SLC6A11: variants seen among roughly 807,000 people sequenced by gnomAD.
The protein encoded by SLC6A11 is sodium- and chloride-dependent GABA transporter 3.
A neutral mutation model predicts 74.8 loss-of-function variants in SLC6A11; 25 were observed. That is an observed-to-expected ratio of 0.33 (90% confidence interval 0.24 to 0.47). The LOEUF (loss-of-function observed/expected upper bound fraction) is 0.47. Among genes scored for constraint, SLC6A11 ranks in the 20% least tolerant of loss-of-function variants. SLC6A11 has a pLI of 1.00. For synonymous variants in SLC6A11, 330 were observed against 330.2 expected (o/e 1.00, Z 0.01); for missense variants, 574 against 837.0 (o/e 0.69, Z 3.88).
chr3:10,882,606 G>A (rs1694995497), intron 6 of SLC6A11, among the ~76,000 whole-genome samples: 1 of 152,170 alleles, frequency 6.6e-6, no homozygotes, highest in Middle Eastern at 3.2e-3. Flanking sequence ...ATCGAAGGAA[G>A]GACCAAACAA....
At position 10,831,602 on chromosome 3, in the gene SLC6A11, C is replaced by T. The variant is rs550436596; in HGVS notation, c.623+8210C>T. 3.4e-4 allele frequency among the ~76,000 whole-genome samples: 51 copies of T among 152,068 alleles called. 1 individual carries two copies. In the Middle Eastern group the frequency reaches 0.017, roughly 51 times the overall value. ...TAACAGATTACCCAGGAGTGGGACT[C>T]GGGGGTAAGTGAGGTTATAGAGAGA... On this transcript the variant is annotated intron_variant, in intron 4 of 13. Transcript: ENST00000254488.
intron 8 of SLC6A11, among the ~76,000 whole-genome samples, chr3:10,924,314 G>A (rs1174186467): frequency 6.6e-6 from 1 of 152,116 alleles, no homozygotes; most frequent in Admixed American, 6.6e-5. Context: ...GAAGTTCCTA[G>A]AGAGTGCAAT....
chr3:10,828,143 G>A (rs571145538), intron 4 of SLC6A11, among the ~76,000 whole-genome samples: 1 of 152,276 alleles, frequency 6.6e-6, no homozygotes, highest in East Asian at 1.9e-4. Flanking sequence ...CAATATTGTG[G>A]CATCAGATGG....
intron 5 of SLC6A11, among the ~76,000 whole-genome samples, chr3:10,868,113 G>A (rs1308345276): frequency 6.6e-6 from 1 of 152,176 alleles, no homozygotes; most frequent in Non-Finnish European, 1.5e-5. Flanking sequence ...TTGAAGTTTG[G>A]ATTAGTCTAT....
chr3:10,828,246 C>A (rs1388568524), intron 4 of SLC6A11, among the ~76,000 whole-genome samples: 1 of 152,182 alleles, frequency 6.6e-6, no homozygotes, highest in Non-Finnish European at 1.5e-5. Context: ...TGTATACAAT[C>A]AAAACTGTTT....
chr3:10,827,067 AC>A (rs1291371472), intron 4 of SLC6A11, among the ~76,000 whole-genome samples: 2 of 152,174 alleles, frequency 1.3e-5, no homozygotes, highest in African/African-American at 4.8e-5. Flanking sequence ...ATACAGTTAT[AC>A]TTTTGTCAGA....
intron 10 of SLC6A11, among the ~76,000 whole-genome samples, chr3:10,931,620 A>G (rs376291794): frequency 6.6e-6 from 1 of 152,288 alleles, no homozygotes; most frequent in African/African-American, 2.4e-5. Context: ...AAAATTTCCC[A>G]TACAAATCTG....
intron 10 of SLC6A11, among the ~76,000 whole-genome samples, chr3:10,930,923 C>T (rs184041469): frequency 2.3e-4 from 35 of 152,272 alleles, no homozygotes; most frequent in Admixed American, 1.6e-3. Context: ...GCCAACCTTC[C>T]GCCTTCTCGG....
At chr3:10,912,470 C>T (rs939847043) in intron 7 of SLC6A11, among the ~76,000 whole-genome samples, 2 of 152,348 alleles carry the variant, frequency 1.3e-5, no homozygotes, top group Non-Finnish European at 2.9e-5. Context: ...ATGGTAAAGA[C>T]GTATTCCAGG....
At chr3:10,851,172 T>G (rs2106589649) in intron 5 of SLC6A11, among the ~76,000 whole-genome samples, 1 of 152,022 alleles carries the variant, frequency 6.6e-6, no homozygotes, top group Admixed American at 6.5e-5. Context: ...CTTCTGTCCT[T>G]CTCTTGGTGG....
At chr3:10,834,850 A>T (rs1256340046) in intron 4 of SLC6A11, among the ~76,000 whole-genome samples, 1 of 152,224 alleles carries the variant, frequency 6.6e-6, no homozygotes, top group East Asian at 1.9e-4. Flanking sequence ...AGCTGTGGAC[A>T]GTGTGACATT....
chr3:10,922,747 G>A (rs1188724304), intron 8 of SLC6A11, among the ~76,000 whole-genome samples: 1 of 152,062 alleles, frequency 6.6e-6, no homozygotes, highest in Non-Finnish European at 1.5e-5. Flanking sequence ...AATACAAACA[G>A]TAACAAATGA....
chr3:10,930,298 C>G (rs1312471297), intron 10 of SLC6A11, among the ~76,000 whole-genome samples: 1 of 152,092 alleles, frequency 6.6e-6, no homozygotes, highest in East Asian at 1.9e-4. Flanking sequence ...TCCCCATTAC[C>G]ACGATCTATG....
chr3:10,876,187 G>A (rs967750884), intron 6 of SLC6A11, among the ~76,000 whole-genome samples: 12 of 152,204 alleles, frequency 7.9e-5, no homozygotes, highest in Admixed American at 2.0e-4. Flanking sequence ...CCCTCATCAC[G>A]GTGGGCAGAG....
intron 13 of SLC6A11, among the ~76,000 whole-genome samples, chr3:10,937,503 C>T (rs1575711336): frequency 2.0e-5 from 3 of 152,214 alleles, no homozygotes; most frequent in African/African-American, 7.2e-5. Context: ...CAACCTTCCT[C>T]GGGAAATGGT....
At chr3:10,938,165 C>A in intron 13 of SLC6A11, 85 bp from the exon 14 acceptor site, 1 of 1,291,588 alleles carries the variant, frequency 7.7e-7, no homozygotes, top group Non-Finnish European at 1.1e-6. Flanking sequence ...CCCAGATGTC[C>A]GCCGTGTGCT....
At position 10,900,826 on chromosome 3, in the gene SLC6A11, G is replaced by A. The variant is rs377372511; in HGVS notation, c.892-11264G>A. ...AGCCCCTAGCCCAGTGCTGCCCATG[G>A]GATGTGGGTTCTGCAGCCCCACCAT... On this transcript the variant is annotated intron_variant, in intron 6 of 13. Coordinates refer to ENST00000254488, the MANE Select transcript of SLC6A11 (RefSeq NM_014229.3). 1.4e-4 allele frequency among the ~76,000 whole-genome samples: 21 copies of A among 152,276 alleles called. No individual in the cohort carries two copies. In the East Asian group the frequency reaches 3.7e-3, roughly 27 times the overall value.
chr3:10,917,127 G>A (rs1695466895), intron 7 of SLC6A11, among the ~76,000 whole-genome samples: 2 of 152,098 alleles, frequency 1.3e-5, no homozygotes, highest in Admixed American at 1.3e-4. Context: ...TAAGGGAACT[G>A]GAATGTGTAA....
chr3:10,929,219 C>G lies in SLC6A11; in HGVS notation c.1251C>G (p.Ser417Arg). ...GLDSQFVCVE[S>R]LVTAVVDMYP... The stretch of plus-strand genomic sequence containing the variant: ...CCATCCAGTTTGTGTGTGTGGAAAG[C>G]CTGGTGACCGCCGTGGTGGACATGT... The change falls in exon 10 of 14, where the codon AGC (serine) becomes AGG (arginine). Residue 417 changes from serine (S) to arginine (R), a missense_variant. Physicochemically the swap from Ser to Arg is moderately radical, Grantham distance 110. Around this residue, in one of 4 missense-constraint regions of SLC6A11, gnomAD observed 257 missense variants for 341.5 expected, o/e 0.75. Transcript: ENST00000254488. The G allele has an allele frequency of 6.2e-7, 1 of 1,614,094 alleles. No individual in the cohort carries two copies. Among genetic ancestry groups the G allele is most frequent in the Non-Finnish European group, 8.5e-7 (1 of 1,179,992 alleles).
Sources: allele counts gnomAD v4.1 joint callset (sites outside exome capture counted in the v4.1 genomes callset), GRCh38; gene constraint gnomAD v4.1.1; regional missense constraint gnomAD v4.1.1; transcripts MANE v1.5; gene names NCBI Gene and HGNC (gene_info 2026-07-23, HGNC 2026-07-21).